Variants in ZNF684 observed in about 807,000 individuals in gnomAD.
ZNF684 encodes hypothetical protein MGC27466.
In ZNF684, 13 loss-of-function variants were observed where a neutral mutation model predicts 12.8. The observed-to-expected ratio is 1.02, with a 90% CI of 0.66 to 1.62. ZNF684 has a LOEUF of 1.62. Ranked by LOEUF, ZNF684 falls within the 40% of genes most tolerant of loss-of-function variation. The pLI, the probability that ZNF684 is intolerant of heterozygous loss-of-function variation, is 0.00. For missense variants in ZNF684, 384 were observed against 446.9 expected, an observed-to-expected ratio of 0.86 and a Z score of 1.27; for synonymous variants, 118 against 151.8, an observed-to-expected ratio of 0.78 and a Z score of 1.64.
At chr1:40,536,181 C>G (rs1645983053) in intron 2 of ZNF684, among the ~76,000 whole-genome samples, 1 of 152,038 alleles carries the variant, frequency 6.6e-6, no homozygotes, top group Non-Finnish European at 1.5e-5. Flanking sequence ...ATCACGAGGT[C>G]AGGAGATCGA....
Position 40,541,629 on chromosome 1 carries a change from A to G in ZNF684, c.157A>G (p.Lys53Glu). Residue 53 changes from lysine to glutamate, a missense_variant, in exon 4 of 5, where the codon AAA becomes GAA. Lys to Glu is a moderately conservative substitution (Grantham distance 56). Transcript: ENST00000372699. ...CCCACCAACAGGATGTCCAATTACC[A>G]AAACAAAAGTGATCCTCAAGGTAGA... ...NLISVGCPIT[K>E]TKVILKVEQG... The G allele has an allele frequency of 6.2e-7, 1 of 1,612,986 alleles. No individual in the cohort carries two copies. Among genetic ancestry groups the G allele is most frequent in the Non-Finnish European group, 8.5e-7 (1 of 1,179,314 alleles).
chr1:40,533,433 A>AT (rs1645967890), intron 2 of ZNF684, among the ~76,000 whole-genome samples: 1 of 152,242 alleles, frequency 6.6e-6, no homozygotes, highest in South Asian at 2.1e-4. Flanking sequence ...AAGTATTGGC[A>AT]TTGCTGTGAA....
At chr1:40,532,358 C>CT (rs3082563) in intron 1 of ZNF684, among the ~76,000 whole-genome samples, 35,366 of 143,678 alleles carry the variant, frequency 0.25, 5,185 homozygotes, top group East Asian at 0.45. Flanking sequence ...CTCCAAATTT[C>CT]TTTTTTTTTT....
chr1:40,546,561 G>T lies in ZNF684; in HGVS notation c.239-1G>T. 6.5e-7 allele frequency: 1 copy of T among 1,534,218 alleles called. No homozygotes were observed. The highest frequency in any genetic ancestry group is 8.7e-7 in the Non-Finnish European group (1 of 1,146,904). On this transcript the variant is annotated splice_acceptor_variant, in intron 4 of 4. Transcript: ENST00000372699. LOFTEE classifies it high-confidence loss of function. Reference sequence around the variant, plus strand: ...GAATGTTTTGTTGTACTCCTTTTTAGAATCTGACTACCCACTTGTTGATGA... The same window carrying T: ...GAATGTTTTGTTGTACTCCTTTTTATAATCTGACTACCCACTTGTTGATGA...
At chr1:40,546,487 A>C (rs1478038233) in intron 4 of ZNF684, 75 bp from the exon 5 acceptor site, 5 of 1,381,280 alleles carry the variant, frequency 3.6e-6, no homozygotes, top group Non-Finnish European at 4.9e-6. Flanking sequence ...CTGTATTTGA[A>C]ATTATAGACG....
intron 4 of ZNF684, among the ~76,000 whole-genome samples, chr1:40,546,294 A>C (rs567402439): frequency 2.2e-4 from 33 of 152,296 alleles, no homozygotes; most frequent in Non-Finnish European, 4.6e-4. Flanking sequence ...TTATGAGCTA[A>C]CCCTGCACCC....
At chr1:40,536,576 A>G (rs992869082) in intron 2 of ZNF684, among the ~76,000 whole-genome samples, 1 of 147,304 alleles carries the variant, frequency 6.8e-6, no homozygotes, top group Non-Finnish European at 1.5e-5. Context: ...GGTTAGTTAC[A>G]TATGTATACA....
chr1:40,541,650 G>A lies in ZNF684; in HGVS notation c.178G>A (p.Val60Ile), dbSNP rs772426232. 2.5e-5 allele frequency: 40 copies of A among 1,613,376 alleles called. No homozygotes were observed. The Admixed American group carries it at 4.0e-4, about 16-fold the overall frequency. Residue 60 changes from valine to isoleucine, a missense_variant, in exon 4 of 5, where the codon GTA becomes ATA. By Grantham distance (29) the Val-to-Ile change is conservative (BLOSUM62 3). Transcript: ENST00000372699. ...PITKTKVILK[V>I]EQGQEPWMVE... is the part of the protein sequence containing the mutation. Reference sequence around the variant, plus strand: ...TACCAAAACAAAAGTGATCCTCAAGGTAGAGCAAGGACAAGAGCCATGGAT... The same window carrying A: ...TACCAAAACAAAAGTGATCCTCAAGATAGAGCAAGGACAAGAGCCATGGAT...
rs771161011 is a variant in ZNF684 at position 40,546,605 on chromosome 1, A to G, written c.282A>G (p.Glu94=). ...TTGATGAACCAGGGAAGCATCGGGA[A>G]AGCAAAGACAATTTTTTGAAGTCAG... ...PLVDEPGKHR[E]SKDNFLKSVL... is the part of the protein sequence containing the mutation. The change falls in exon 5 of 5, where the codon GAA becomes GAG. Residue 94 remains glutamate (E), a synonymous_variant. Coordinates refer to ENST00000372699, the MANE Select transcript of ZNF684 (RefSeq NM_152373.4). The G allele has an allele frequency of 1.9e-6, 3 of 1,583,888 alleles. No homozygotes were observed. In the African/African-American group the frequency reaches 4.1e-5, roughly 22 times the overall value.
chr1:40,533,127 A>C lies in ZNF684; in HGVS notation c.-24-16A>C. 6.2e-7 allele frequency: 1 copy of C among 1,610,062 alleles called. No homozygotes were observed. The highest frequency in any genetic ancestry group is 8.5e-7 in the Non-Finnish European group (1 of 1,176,816). ...CTCAGGTCTTTCTATTCTCTTCCCC[A>C]TTTCTACTTTCATAGATTTCTGTGT... On this transcript the variant is annotated splice_polypyrimidine_tract_variant and intron_variant, in intron 1 of 4. Transcript: ENST00000372699.
chr1:40,541,463 G>A (rs1289438065), intron 3 of ZNF684, 152 bp from the exon 4 acceptor site: 14 of 554,828 alleles, frequency 2.5e-5, no homozygotes, highest in African/African-American at 9.6e-5. Flanking sequence ...GATTACAGGC[G>A]TGAGCCACCG....
At chr1:40,545,842 C>G (rs576545224) in intron 4 of ZNF684, among the ~76,000 whole-genome samples, 3 of 151,658 alleles carry the variant, frequency 2.0e-5, no homozygotes, top group Admixed American at 6.6e-5. Flanking sequence ...ATAACTCTGC[C>G]TGTTACCACC....
Position 40,547,309 on chromosome 1 carries a change from G to C in ZNF684, c.986G>C (p.Cys329Ser), listed in dbSNP as rs1042485555. The change falls in exon 5 of 5, where the codon TGT (cysteine) becomes TCT (serine). Residue 329 changes from cysteine (C) to serine (S), a missense_variant. By Grantham distance (112) the Cys-to-Ser change is moderately radical (BLOSUM62 -1). Coordinates refer to ENST00000372699, the MANE Select transcript of ZNF684 (RefSeq NM_152373.4). ...RIHTGEKPYS[C>S]IECGKAFIKK... The stretch of plus-strand genomic sequence containing the variant: ...CATACAGGAGAGAAACCTTACAGTT[G>C]TATTGAATGTGGCAAAGCCTTCATC... The C allele has an allele frequency of 3.1e-6, 5 of 1,613,858 alleles. No homozygotes were observed. Among genetic ancestry groups the C allele is most frequent in the Non-Finnish European group, 3.4e-6 (4 of 1,179,920 alleles).
chr1:40,533,065 A>G, intron 1 of ZNF684, 78 bp from the exon 2 acceptor site: 1 of 1,229,778 alleles, frequency 8.1e-7, no homozygotes, highest in Non-Finnish European at 1.2e-6. Context: ...TTATGGTCTG[A>G]TAGAGCAGGG....
chr1:40,543,039 C>T (rs1646025097), intron 4 of ZNF684, among the ~76,000 whole-genome samples: 1 of 151,918 alleles, frequency 6.6e-6, no homozygotes, highest in Admixed American at 6.6e-5. Flanking sequence ...GGTCTTACTC[C>T]ATCACCCAGG....
chr1:40,541,030 CA>C (rs57200329), intron 3 of ZNF684, among the ~76,000 whole-genome samples: 10,945 of 79,366 alleles, frequency 0.14, 733 homozygotes, highest in African/African-American at 0.28. Flanking sequence ...GACCCTATCT[CA>C]AAAAAAAAAA....
chr1:40,540,755 T>A lies in ZNF684; in HGVS notation c.142+43T>A, dbSNP rs370675643. On this transcript the variant is annotated intron_variant, in intron 3 of 4. Coordinates refer to ENST00000372699, the MANE Select transcript of ZNF684 (RefSeq NM_152373.4). ...TAACTTTTCAGTGTAATTCAGTGTATACTAATAGTGCTCATTTTTTAAGAC... is the reference window on the plus strand; with the variant it reads ...TAACTTTTCAGTGTAATTCAGTGTAAACTAATAGTGCTCATTTTTTAAGAC... 29 of 1,458,492 alleles carry A rather than the reference T, an allele frequency of 2.0e-5. No individual in the cohort carries two copies. The African/African-American group carries it at 3.9e-4, about 20-fold the overall frequency. The allele number at this position is 1,458,492 out of a possible 1,614,324, so 90.3% of individuals were successfully genotyped here.
chr1:40,547,925 A>C lies in ZNF684; in HGVS notation c.*465A>C, dbSNP rs2124514119. 6.5e-6 allele frequency: 1 copy of C among 152,906 alleles called. No individual in the cohort carries two copies. The highest frequency in any genetic ancestry group is 1.5e-5 in the Non-Finnish European group (1 of 68,498). 9.5% of individuals were successfully genotyped at this position (152,906 alleles called of 1,614,324 possible). A position where few individuals can be genotyped will look rare whatever the true frequency, so the allele number is the denominator to read the frequency against. On this transcript the variant is annotated 3_prime_UTR_variant, in exon 5 of 5. Coordinates refer to ENST00000372699, the MANE Select transcript of ZNF684 (RefSeq NM_152373.4). ...TCATATGAATTTCAGTGATATTTTC[A>C]TCCATTTGCTGGCACTTTTAATGGG...
At chr1:40,538,546 A>G (rs753738243) in intron 2 of ZNF684, among the ~76,000 whole-genome samples, 4 of 152,058 alleles carry the variant, frequency 2.6e-5, no homozygotes, top group Non-Finnish European at 5.9e-5. Flanking sequence ...GCTGGGTTAT[A>G]TGGTTACTCT....
Sources: gnomAD v4.1 joint callset for allele counts (sites outside exome capture counted in the v4.1 genomes callset) on GRCh38, gnomAD v4.1.1 for gene constraint, MANE v1.5 for transcripts, NCBI Gene and HGNC (gene_info 2026-07-23, HGNC 2026-07-21) for gene names.